The following ZDHHC14 variants were observed in gnomAD, a reference collection of about 807,000 sequenced individuals.
ZDHHC14 encodes the protein palmitoyltransferase ZDHHC14.
A neutral mutation model predicts 47.7 loss-of-function variants in ZDHHC14; 16 were observed. That is an observed-to-expected ratio of 0.34 (90% CI 0.23 to 0.51). The LOEUF (loss-of-function observed/expected upper bound fraction) is 0.51, where lower values mean the gene tolerates loss of function less well. Among genes scored for constraint, ZDHHC14 ranks in the 20% least tolerant of loss-of-function variants. The pLI is 0.97. For synonymous variants in ZDHHC14, 293 were observed against 278.9 expected (o/e 1.05, Z -0.50); for missense variants, 515 against 662.5 (o/e 0.78, Z 2.44).
rs189229813 is a variant in ZDHHC14, at chr6:157,639,374, G to A, written c.753-6363G>A. Among the ~76,000 whole-genome samples, 8 of 152,240 alleles carry A rather than the reference G, an allele frequency of 5.3e-5. No homozygotes were observed. In the East Asian group the frequency reaches 5.8e-4, roughly 11 times the overall value. On this transcript the variant is annotated intron_variant, in intron 5 of 8. Coordinates refer to ENST00000359775, the MANE Select transcript of ZDHHC14 (RefSeq NM_024630.3). ...GGCTGGAATGCAGTGGCGAGACCTC[G>A]GCTCACTGCAACCTCCGCCTCCCAG...
At chr6:157,504,662 C>T (rs182002338) in intron 1 of ZDHHC14, among the ~76,000 whole-genome samples, 1 of 151,652 alleles carries the variant, frequency 6.6e-6, no homozygotes, top group South Asian at 2.1e-4. Flanking sequence ...CTGCCCACCT[C>T]GGCCTCCCAA....
intron 1 of ZDHHC14, among the ~76,000 whole-genome samples, chr6:157,453,788 T>TTGTGTGTGTGTGTGTGTGTG (rs371025248): frequency 2.0e-5 from 3 of 148,194 alleles, no homozygotes; most frequent in Non-Finnish European, 3.0e-5. Flanking sequence ...TTTTTGTGTT[T>TTGTGTGTGTGTGTGTGTGTG]TGTGTGTGTG....
At chr6:157,652,566 AC>A (rs1478807073) in intron 7 of ZDHHC14, among the ~76,000 whole-genome samples, 1 of 152,258 alleles carries the variant, frequency 6.6e-6, no homozygotes, top group East Asian at 1.9e-4. Context: ...AGGCAACTTT[AC>A]CCCACCTTCT....
chr6:157,402,376 A>C (rs982033661), intron 1 of ZDHHC14, among the ~76,000 whole-genome samples: 3 of 151,478 alleles, frequency 2.0e-5, no homozygotes, highest in Middle Eastern at 3.2e-3. Context: ...CAGTAGTGAG[A>C]TGTGCACCTG....
At chr6:157,641,310 G>A (rs1777237874) in intron 5 of ZDHHC14, among the ~76,000 whole-genome samples, 1 of 152,208 alleles carries the variant, frequency 6.6e-6, no homozygotes, top group South Asian at 2.1e-4. Flanking sequence ...CGATAGGGAT[G>A]CCAAATGCTC....
chr6:157,563,698 G>A (rs1782799347), intron 2 of ZDHHC14, among the ~76,000 whole-genome samples: 1 of 152,220 alleles, frequency 6.6e-6, no homozygotes. Flanking sequence ...TGCGAACTAG[G>A]ACCAGAGGCA....
intron 1 of ZDHHC14, among the ~76,000 whole-genome samples, chr6:157,391,046 T>C (rs370589119): frequency 1.3e-5 from 2 of 152,240 alleles, no homozygotes; most frequent in Admixed American, 1.3e-4. Flanking sequence ...GGAAACAGGT[T>C]TGGGCCTTGG....
intron 1 of ZDHHC14, among the ~76,000 whole-genome samples, chr6:157,442,304 G>A (rs1562426238): frequency 6.6e-6 from 1 of 152,144 alleles, no homozygotes. Flanking sequence ...AATCATTTGA[G>A]CCCCGGAGGT....
chr6:157,539,168 G>A (rs890475149), intron 1 of ZDHHC14, among the ~76,000 whole-genome samples: 1 of 152,066 alleles, frequency 6.6e-6, no homozygotes, highest in Non-Finnish European at 1.5e-5. Context: ...CCAGCACTTT[G>A]GGAGGCTGAG....
intron 1 of ZDHHC14, among the ~76,000 whole-genome samples, chr6:157,387,354 T>C (rs1777333961): frequency 6.6e-6 from 1 of 152,210 alleles, no homozygotes; most frequent in Non-Finnish European, 1.5e-5. Flanking sequence ...GTCTCTGTTA[T>C]AGATGGGTAA....
Position 157,427,829 on chromosome 6 carries a change from G to A in ZDHHC14, c.245+45563G>A, listed in dbSNP as rs1212847987. On this transcript the variant is annotated intron_variant, in intron 1 of 8. Transcript: ENST00000359775. This position sits in a 1 kb window ranked among gnomAD's most constrained non-coding sequence, Gnocchi z 4.4. ...TCAAGATCCTTTCCATGACATTGTG[G>A]CCCCCAAGGACAATGGAATGGTGGG... Among the ~76,000 whole-genome samples the A allele has an allele frequency of 1.3e-5, 2 of 152,028 alleles. No homozygotes were observed. The highest frequency in any genetic ancestry group is 1.3e-4 in the Admixed American group (2 of 15,264).
intron 1 of ZDHHC14, among the ~76,000 whole-genome samples, chr6:157,420,595 G>C (rs951017530): frequency 6.6e-6 from 1 of 152,248 alleles, no homozygotes; most frequent in African/African-American, 2.4e-5. Context: ...AGTCATTGAA[G>C]TGGTGGGCCA....
At chr6:157,597,394 G>C (rs1784174628) in intron 3 of ZDHHC14, among the ~76,000 whole-genome samples, 1 of 152,198 alleles carries the variant, frequency 6.6e-6, no homozygotes, top group African/African-American at 2.4e-5. Context: ...CCCTAGTCCA[G>C]CGTCGGAATT....
At position 157,463,130 on chromosome 6, in the gene ZDHHC14, G is replaced by C. The variant is rs915046680; in HGVS notation, c.246-79455G>C. 6.6e-6 allele frequency among the ~76,000 whole-genome samples: 1 copy of C among 152,194 alleles called. No individual in the cohort carries two copies. The highest frequency in any genetic ancestry group is 1.5e-5 in the Non-Finnish European group (1 of 68,030). The stretch of plus-strand genomic sequence containing the variant: ...AGTTGTTGGCTATTCAGACATGCAC[G>C]TGAGGCAGCTGGAAATGAGATCCTT... On this transcript the variant is annotated intron_variant, in intron 1 of 8. Transcript: ENST00000359775. This position sits in a 1 kb window ranked among gnomAD's most constrained non-coding sequence, Gnocchi z 4.4.
chr6:157,548,421 TTTGTTG>T (rs767143505), intron 2 of ZDHHC14, among the ~76,000 whole-genome samples: 3 of 136,234 alleles, frequency 2.2e-5, no homozygotes, highest in Admixed American at 1.4e-4. Context: ...TGTTCTTGTT[TTTGTTG>T]TTGTTGTTGT....
intron 8 of ZDHHC14, among the ~76,000 whole-genome samples, chr6:157,659,391 G>A (rs760956440): frequency 5.3e-5 from 8 of 152,232 alleles, no homozygotes; most frequent in Non-Finnish European, 1.0e-4. Flanking sequence ...GCTTTCTCCC[G>A]CTTTGCGTCA....
Position 157,427,060 on chromosome 6 carries a change from G to A in ZDHHC14, c.245+44794G>A, listed in dbSNP as rs1435420254. Among the ~76,000 whole-genome samples the A allele has an allele frequency of 6.6e-6, 1 of 152,096 alleles. No homozygotes were observed. The highest frequency in any genetic ancestry group is 1.5e-5 in the Non-Finnish European group (1 of 68,020). ...AGGAAAAGGAGGAGAGGCACGGTGCGAGCTGGGGTGGCAGGGGAGCAAGGG... is the reference window on the plus strand; with the variant it reads ...AGGAAAAGGAGGAGAGGCACGGTGCAAGCTGGGGTGGCAGGGGAGCAAGGG... On this transcript the variant is annotated intron_variant, in intron 1 of 8. Coordinates refer to ENST00000359775, the MANE Select transcript of ZDHHC14 (RefSeq NM_024630.3). This position sits in a 1 kb window ranked among gnomAD's most constrained non-coding sequence, Gnocchi z 4.4.
At chr6:157,418,072 A>G (rs2114766313) in intron 1 of ZDHHC14, among the ~76,000 whole-genome samples, 1 of 152,150 alleles carries the variant, frequency 6.6e-6, no homozygotes, top group African/African-American at 2.4e-5. Context: ...CTTACCCCAC[A>G]TGGTCCCAGG....
intron 3 of ZDHHC14, among the ~76,000 whole-genome samples, chr6:157,605,195 T>C (rs1312522970): frequency 6.6e-6 from 1 of 152,342 alleles, no homozygotes; most frequent in African/African-American, 2.4e-5. Flanking sequence ...AGCTATGAAA[T>C]AATTTGGTTT....
Sources: gnomAD v4.1 joint callset for allele counts (sites outside exome capture counted in the v4.1 genomes callset) on GRCh38, gnomAD v4.1.1 for gene constraint, Gnocchi (gnomAD v3.1) non-coding constraint, MANE v1.5 for transcripts, NCBI Gene and HGNC (gene_info 2026-07-23, HGNC 2026-07-21) for gene names.